SLC25A48: variants seen among roughly 807,000 people sequenced by gnomAD.
The protein encoded by SLC25A48 is CTC-321K16.1.
Under a neutral mutation model 32.2 loss-of-function variants are expected in SLC25A48, and 29 were observed. The observed-to-expected ratio is 0.90, with a 90% CI of 0.67 to 1.23. The LOEUF (loss-of-function observed/expected upper bound fraction) is 1.23. Ranked by LOEUF, SLC25A48 falls within the 50% of genes most tolerant of loss-of-function variation. The pLI, the probability that SLC25A48 is intolerant of heterozygous loss-of-function variation, is 0.00. For missense variants in SLC25A48, 399 were observed against 422.7 expected, an observed-to-expected ratio of 0.94 and a Z score of 0.49; for synonymous variants, 164 against 172.3, an observed-to-expected ratio of 0.95 and a Z score of 0.38.
chr5:135,798,609 A>G (rs1258223209), intron 3 of SLC25A48, among the ~76,000 whole-genome samples: 1 of 151,620 alleles, frequency 6.6e-6, no homozygotes, highest in Non-Finnish European at 1.5e-5. Context: ...TATGATTAAT[A>G]TCCCCAAAAT....
At position 135,643,657 on chromosome 5, in the gene SLC25A48, G is replaced by A. The variant is rs1406984151; in HGVS notation, c.-521+8701G>A. Among the ~76,000 whole-genome samples, 5 of 152,142 alleles carry A rather than the reference G, an allele frequency of 3.3e-5. No homozygotes were observed. The East Asian group carries it at 9.6e-4, about 29-fold the overall frequency. On this transcript the variant is annotated intron_variant, in intron 3 of 10. Coordinates refer to the SLC25A48 transcript ENST00000646290. ...CGGTCCTTTCAGCCAACATTTATGG[G>A]CATCTCGTCATGCCAGAAACCATGT... is the stretch of plus-strand genomic sequence containing the variant.
chr5:135,841,651 A>G (rs1318396027), intron 1 of SLC25A48, among the ~76,000 whole-genome samples: 4 of 151,210 alleles, frequency 2.6e-5, no homozygotes, highest in African/African-American at 9.7e-5. Flanking sequence ...TGACAGGACA[A>G]AGAAAATCTG....
At chr5:135,709,803 G>T (rs1754610017) in intron 3 of SLC25A48, among the ~76,000 whole-genome samples, 1 of 152,154 alleles carries the variant, frequency 6.6e-6, no homozygotes, top group Middle Eastern at 3.2e-3. Flanking sequence ...TCAGCACAGT[G>T]CCAGGAACAT....
At chr5:135,793,431 A>T in intron 3 of SLC25A48, among the ~76,000 whole-genome samples, 1 of 151,594 alleles carries the variant, frequency 6.6e-6, no homozygotes, top group Non-Finnish European at 1.5e-5. Flanking sequence ...TGTTTACACC[A>T]TATTTGTACA....
At chr5:135,771,093 C>T (rs980270277) in intron 3 of SLC25A48, among the ~76,000 whole-genome samples, 1 of 135,408 alleles carries the variant, frequency 7.4e-6, no homozygotes, top group African/African-American at 2.8e-5. Context: ...CTTTCAATAT[C>T]GTGGGGGTGT....
intron 3 of SLC25A48, among the ~76,000 whole-genome samples, chr5:135,651,900 T>C (rs1753122739): frequency 6.6e-6 from 1 of 152,190 alleles, no homozygotes; most frequent in Non-Finnish European, 1.5e-5. Context: ...TAATAAAGTC[T>C]GGGGAAGATA....
chr5:135,712,512 G>A (rs1754690703), intron 3 of SLC25A48, among the ~76,000 whole-genome samples: 1 of 152,236 alleles, frequency 6.6e-6, no homozygotes, highest in Admixed American at 6.5e-5. Context: ...GCTTGAGGAA[G>A]AGATCAGTCT....
chr5:135,731,489 T>C (rs1291419186), intron 3 of SLC25A48, among the ~76,000 whole-genome samples: 1 of 152,158 alleles, frequency 6.6e-6, no homozygotes, highest in Admixed American at 6.5e-5. Flanking sequence ...GGGCAATGTT[T>C]CTTGGGGCTG....
intron 3 of SLC25A48, among the ~76,000 whole-genome samples, chr5:135,749,169 A>C (rs1401026363): frequency 6.6e-6 from 1 of 151,884 alleles, no homozygotes; most frequent in Non-Finnish European, 1.5e-5. Flanking sequence ...CCCACTCTGC[A>C]CTCAGTGAGT....
intron 3 of SLC25A48, among the ~76,000 whole-genome samples, chr5:135,636,857 A>G (rs1629283): frequency 0.98 from 149,401 of 152,330 alleles, 73,267 homozygotes; most frequent in East Asian, 1. Flanking sequence ...AGCCAAACCA[A>G]GCCACGTTCT....
At chr5:135,847,205 A>ATAGG (rs1158569797) in intron 2 of SLC25A48, among the ~76,000 whole-genome samples, 2 of 152,232 alleles carry the variant, frequency 1.3e-5, no homozygotes, top group African/African-American at 4.8e-5. Context: ...CTTGCCTTTC[A>ATAGG]TAGGTGTTCA....
At chr5:135,854,186 T>A (rs1393199903) in intron 4 of SLC25A48, among the ~76,000 whole-genome samples, 10 of 152,216 alleles carry the variant, frequency 6.6e-5, no homozygotes, top group Admixed American at 6.5e-4. Flanking sequence ...TGATTGTCAT[T>A]CTTAAAGGCC....
intron 4 of SLC25A48, among the ~76,000 whole-genome samples, chr5:135,854,194 G>A (rs1301584995): frequency 2.0e-5 from 3 of 152,154 alleles, no homozygotes; most frequent in Admixed American, 6.5e-5. Flanking sequence ...ATTCTTAAAG[G>A]CCCTAGGATT....
intron 3 of SLC25A48, among the ~76,000 whole-genome samples, chr5:135,663,012 G>A (rs1043980198): frequency 6.6e-6 from 1 of 152,168 alleles, no homozygotes; most frequent in South Asian, 2.1e-4. Flanking sequence ...TTTCCAGTGT[G>A]TTTCTCCCTA....
chr5:135,822,668 C>T (rs1357176323), intron 4 of SLC25A48, among the ~76,000 whole-genome samples: 1 of 152,202 alleles, frequency 6.6e-6, no homozygotes, highest in Non-Finnish European at 1.5e-5. Flanking sequence ...GCAAAGATCC[C>T]ATTTCCAAAT....
At chr5:135,880,384 T>C (rs1426495557) in intron 7 of SLC25A48, among the ~76,000 whole-genome samples, 1 of 152,036 alleles carries the variant, frequency 6.6e-6, no homozygotes, top group Non-Finnish European at 1.5e-5. Flanking sequence ...TCAACAGCCC[T>C]TTCAGAGAAG....
In SLC25A48 at chr5:135,728,841, TACACACAC is replaced by T. The variant is rs33918902; in HGVS notation, c.-520-83646_-520-83639del. The stretch of plus-strand genomic sequence containing the variant: ...AATTTCCCCTGAACACATACACAAA[TACACACAC>T]ACACACACACACACACACACACACA... On this transcript the variant is annotated intron_variant, in intron 3 of 10. Coordinates refer to the SLC25A48 transcript ENST00000646290. Among the ~76,000 whole-genome samples the T allele has an allele frequency of 3.6e-3, 515 of 141,662 alleles. 4 individuals are homozygous for T. The highest frequency in any genetic ancestry group is 0.012 in the African/African-American group (453 of 36,634). 92.9% of individuals were successfully genotyped at this position (141,662 alleles called of 152,430 possible). A position where few individuals can be genotyped will look rare whatever the true frequency, so the allele number is the denominator to read the frequency against.
intron 1 of SLC25A48, among the ~76,000 whole-genome samples, chr5:135,621,530 A>T (rs948420147): frequency 3.3e-5 from 5 of 152,208 alleles, no homozygotes; most frequent in African/African-American, 7.2e-5. Context: ...ATAATAAAAT[A>T]ATAGTTCTGG....
At position 135,629,105 on chromosome 5, in the gene SLC25A48, A is replaced by G. The variant is rs1752502936; in HGVS notation, c.-848-132A>G. 1 of 152,358 alleles carries G rather than the reference A, an allele frequency of 6.6e-6. No individual in the cohort carries two copies. Among genetic ancestry groups the G allele is most frequent in the Middle Eastern group, 3.4e-3 (1 of 294 alleles). The allele number at this position is 152,358 out of a possible 1,614,324, so 9.4% of individuals were successfully genotyped here. ...CTTTTTAAGGAGGAGAAATTTCATT[A>G]TAGATCCAATTTTGCCTTGGGCTGC... On this transcript the variant is annotated intron_variant, in intron 1 of 10. Transcript: ENST00000646290. The surrounding 1 kb of genome is among the most constrained non-coding windows in gnomAD (Gnocchi z 4.8).
Sources: gnomAD v4.1 joint callset for allele counts (sites outside exome capture counted in the v4.1 genomes callset) on GRCh38, gnomAD v4.1.1 for gene constraint, Gnocchi (gnomAD v3.1) non-coding constraint, MANE v1.5 for transcripts, NCBI Gene and HGNC (gene_info 2026-07-23, HGNC 2026-07-21) for gene names.